Variants in MICAL2 observed in about 807,000 individuals in gnomAD.
MICAL2 encodes the protein microtubule associated monooxygenase, calponin and LIM domain containing 2.
A neutral mutation model predicts 127.3 loss-of-function variants in MICAL2; 77 were observed. That is an observed-to-expected ratio of 0.60 (90% CI 0.50 to 0.73). The LOEUF is 0.73. Among genes scored for constraint, MICAL2 ranks in the 30% least tolerant of loss-of-function variants. The pLI, the probability that MICAL2 is intolerant of heterozygous loss-of-function variation, is 0.00. For synonymous variants in MICAL2, 570 were observed against 551.1 expected (o/e 1.03, Z -0.48); for missense variants, 1,351 against 1,434.4 (o/e 0.94, Z 0.94).
At chr11:12,291,159 G>C (rs1863893788), downstream of MICAL2, among the ~76,000 whole-genome samples, 1 of 152,180 alleles carries the variant, frequency 6.6e-6, no homozygotes. Context: ...ACGGTTCATG[G>C]GAGAGCTGGT....
At chr11:12,339,193 A>G (rs1938817357) in intron 32 of MICAL2, among the ~76,000 whole-genome samples, 1 of 151,934 alleles carries the variant, frequency 6.6e-6, no homozygotes, top group African/African-American at 2.4e-5. Flanking sequence ...ACTTCATTTC[A>G]TTCATTTCAT....
intron 2 of MICAL2, among the ~76,000 whole-genome samples, chr11:12,281,660 G>A (rs1049370417): frequency 3.9e-5 from 6 of 152,174 alleles, no homozygotes; most frequent in Non-Finnish European, 7.3e-5. Context: ...TTTCCCATAC[G>A]TGTGGTCATC....
chr11:12,292,919 CAT>C (rs150901308), downstream of MICAL2, among the ~76,000 whole-genome samples: 689 of 152,284 alleles, frequency 4.5e-3, 5 homozygotes, highest in African/African-American at 0.016. Flanking sequence ...AGAGTCCACT[CAT>C]GTTCCCTCTT....
At chr11:12,134,412 G>A (rs979951137) in intron 1 of MICAL2, among the ~76,000 whole-genome samples, 1 of 152,136 alleles carries the variant, frequency 6.6e-6, no homozygotes, top group Non-Finnish European at 1.5e-5. Flanking sequence ...CTGAGGCTCC[G>A]TTCTCAACCA....
At chr11:12,292,007 C>T (rs749582614), downstream of MICAL2, 27 of 1,104,488 alleles carry the variant, frequency 2.4e-5, no homozygotes, top group Middle Eastern at 2.4e-4. Flanking sequence ...CCTTGGGCAC[C>T]AGGAACCTCT....
chr11:12,203,655 A>T (rs1022439532), intron 3 of MICAL2, among the ~76,000 whole-genome samples: 9 of 151,996 alleles, frequency 5.9e-5, no homozygotes, highest in Non-Finnish European at 1.2e-4. Context: ...TATGTTTTGG[A>T]TACAGGTCCC....
intron 32 of MICAL2, among the ~76,000 whole-genome samples, chr11:12,342,550 A>G (rs1389235456): frequency 6.6e-6 from 1 of 152,236 alleles, no homozygotes; most frequent in East Asian, 1.9e-4. Context: ...CTATAGAACT[A>G]GACGTTGGAA....
chr11:12,256,623 G>T (rs1034532341), intron 23 of MICAL2, 162 bp from the exon 24 acceptor site: 6 of 647,238 alleles, frequency 9.3e-6, no homozygotes, highest in African/African-American at 1.8e-5. Context: ...TGGGTTGGGG[G>T]TGTATCTTCC....
chr11:12,287,159 G>A lies in MICAL2; in HGVS notation c.329G>A (p.Trp110Ter), dbSNP rs1191351972. The change falls in exon 3 of 3, where the codon TGG becomes TAG. Residue 110 changes from tryptophan (W) to a stop codon, truncating the protein, a stop_gained. Coordinates refer to the MICAL2 transcript ENST00000529028. LOFTEE classifies it low-confidence loss of function (END_TRUNC). ...TACCAGAACTGGAGGAGAGAATTCTGGTGGAGTGAGTCACTAGCTCTCTGG... is the reference window on the plus strand; with the variant it reads ...TACCAGAACTGGAGGAGAGAATTCTAGTGGAGTGAGTCACTAGCTCTCTGG... The A allele has an allele frequency of 1.0e-5, 4 of 398,872 alleles. No homozygotes were observed. Among genetic ancestry groups the A allele is most frequent in the Non-Finnish European group, 1.8e-5 (4 of 226,088 alleles). 24.7% of individuals were successfully genotyped at this position (398,872 alleles called of 1,614,324 possible). A position where few individuals can be genotyped will look rare whatever the true frequency, so the allele number is the denominator to read the frequency against.
At chr11:12,138,983 G>A (rs1459378706) in intron 2 of MICAL2, among the ~76,000 whole-genome samples, 1 of 152,200 alleles carries the variant, frequency 6.6e-6, no homozygotes, top group Non-Finnish European at 1.5e-5. Context: ...GCCACAGGTG[G>A]TGGTAGGCTA....
downstream of MICAL2, among the ~76,000 whole-genome samples, chr11:12,266,585 CT>C (rs1863611827): frequency 6.6e-6 from 1 of 152,250 alleles, no homozygotes; most frequent in Non-Finnish European, 1.5e-5. Context: ...TCTTCACCTC[CT>C]TGTGGCAACC....
At chr11:12,134,569 G>C (rs531868377) in intron 1 of MICAL2, among the ~76,000 whole-genome samples, 4 of 152,306 alleles carry the variant, frequency 2.6e-5, no homozygotes, top group African/African-American at 7.2e-5. Context: ...GGCTTCCTGG[G>C]TCTCACTGGG....
In MICAL2 at chr11:12,226,378, C is replaced by A; in HGVS notation, c.1888+8C>A. The A allele has an allele frequency of 6.2e-7, 1 of 1,613,618 alleles. No homozygotes were observed. The highest frequency in any genetic ancestry group is 1.3e-5 in the African/African-American group (1 of 75,030). On this transcript the variant is annotated splice_region_variant and intron_variant, in intron 14 of 27. Transcript: ENST00000683283. The stretch of plus-strand genomic sequence containing the variant: ...CCCCACTGAGGCCCGTGGGTAAGCA[C>A]CTGCACAGAGGTTTTGCTTAGCCCC...
In MICAL2 at chr11:12,224,723, G is replaced by A. The variant is rs1490834670; in HGVS notation, c.1591G>A (p.Glu531Lys). The change falls in exon 13 of 28, where the codon GAG becomes AAG. Residue 531 changes from glutamate to lysine, a missense_variant. By Grantham distance (56) the Glu-to-Lys change is moderately conservative. Transcript: ENST00000683283. ...KLLTWCQQQTEGYQHVNVTDL... is the reference protein window; with the variant it reads ...KLLTWCQQQTKGYQHVNVTDL... ...CCTGACCTGGTGCCAGCAGCAGACAGAGGGCTACCAGCATGTCAACGTCAC... is the reference window on the plus strand; with the variant it reads ...CCTGACCTGGTGCCAGCAGCAGACAAAGGGCTACCAGCATGTCAACGTCAC... 1 of 1,614,222 alleles carries A rather than the reference G, an allele frequency of 6.2e-7. No homozygotes were observed. Among genetic ancestry groups the A allele is most frequent in the Non-Finnish European group, 8.5e-7 (1 of 1,180,030 alleles).
At chr11:12,236,864 A>G (rs1859143613) in intron 16 of MICAL2, among the ~76,000 whole-genome samples, 1 of 152,238 alleles carries the variant, frequency 6.6e-6, no homozygotes, top group African/African-American at 2.4e-5. Context: ...AAAAAAAGCC[A>G]TTCCAACTCC....
Position 12,152,297 on chromosome 11 carries a change from C to CAAA in MICAL2, c.-77-9757_-77-9755dup, listed in dbSNP as rs540812572. ...TTGGCAACAAAGCAAGACTCTGTCT[C>CAAA]AAAAAAAAAAAAAAAAAAAAAAAAA... On this transcript the variant is annotated intron_variant, in intron 2 of 27. Transcript: ENST00000683283. 2.0e-3 allele frequency among the ~76,000 whole-genome samples: 78 copies of CAAA among 38,366 alleles called. 8 individuals carry two copies. The highest frequency in any genetic ancestry group is 9.0e-3 in the African/African-American group (62 of 6,926). 25.2% of individuals were successfully genotyped at this position (38,366 alleles called of 152,430 possible).
At chr11:12,328,117 G>T (rs1030934047) in intron 32 of MICAL2, among the ~76,000 whole-genome samples, 1 of 152,186 alleles carries the variant, frequency 6.6e-6, no homozygotes, top group Admixed American at 6.5e-5. Flanking sequence ...AACTTTTCCA[G>T]TAATAGCTTC....
At chr11:12,314,134 CTT>C (rs1022754792) in intron 29 of MICAL2, among the ~76,000 whole-genome samples, 6 of 151,560 alleles carry the variant, frequency 4.0e-5, no homozygotes, top group Admixed American at 3.9e-4. Context: ...TTGATGGTCT[CTT>C]TTATTTTGAA....
In MICAL2 at chr11:12,222,756, C is replaced by T. The variant is rs368557977; in HGVS notation, c.1449+13C>T. ...CAGGCCCCATCAGGCAAGTCCATTG[C>T]TGGGGCTCTGTCTGAATCACTCTGC... On this transcript the variant is annotated intron_variant, in intron 11 of 27. Transcript: ENST00000683283. The T allele has an allele frequency of 6.2e-6, 10 of 1,613,908 alleles. No homozygotes were observed. In the African/African-American group the frequency reaches 1.1e-4, roughly 17 times the overall value.
Sources: gnomAD v4.1 joint callset for allele counts (sites outside exome capture counted in the v4.1 genomes callset) on GRCh38, gnomAD v4.1.1 for gene constraint, MANE v1.5 for transcripts, NCBI Gene and HGNC (gene_info 2026-07-23, HGNC 2026-07-21) for gene names.